Variants in SLC5A4 observed in about 807,000 individuals in gnomAD.
The protein encoded by SLC5A4 is probable glucose sensor protein SLC5A4.
Under a neutral mutation model 70.3 loss-of-function variants are expected in SLC5A4, and 55 were observed. The ratio of observed to expected loss-of-function variants is 0.78; its 90% confidence interval spans 0.63 to 0.98. The LOEUF (loss-of-function observed/expected upper bound fraction) is 0.98. Ranked by LOEUF, SLC5A4 falls within the 50% of genes least tolerant of loss-of-function variation. The pLI, the probability that SLC5A4 is intolerant of heterozygous loss-of-function variation, is 0.00. For missense variants in SLC5A4, 735 were observed against 839.2 expected, an observed-to-expected ratio of 0.88 and a Z score of 1.53; for synonymous variants, 268 against 305.7, an observed-to-expected ratio of 0.88 and a Z score of 1.29.
chr22:32,282,384 C>G, the SLC5A4 span, among the ~76,000 whole-genome samples: 5 of 152,052 alleles, frequency 3.3e-5, no homozygotes, highest in Admixed American at 3.3e-4. Flanking sequence ...GGCCTCTCCT[C>G]ACCTGGCTGC....
chr22:32,303,464 G>A, the SLC5A4 span, among the ~76,000 whole-genome samples: 1 of 152,200 alleles, frequency 6.6e-6, no homozygotes, highest in Non-Finnish European at 1.5e-5. Context: ...CAATAGGTCA[G>A]AGGAAGGAAA....
At chr22:32,319,779 G>A in the SLC5A4 span, among the ~76,000 whole-genome samples, 24 of 152,156 alleles carry the variant, frequency 1.6e-4, no homozygotes, top group African/African-American at 5.3e-4. Context: ...ATGCATTATC[G>A]CTGTCTAAAA....
chr22:32,305,234 A>G, the SLC5A4 span, among the ~76,000 whole-genome samples: 2 of 151,620 alleles, frequency 1.3e-5, no homozygotes, highest in Non-Finnish European at 2.9e-5. Context: ...TGGGTTTCAG[A>G]TGTGATTTTA....
At chr22:32,282,628 T>A in the SLC5A4 span, among the ~76,000 whole-genome samples, 2 of 152,286 alleles carry the variant, frequency 1.3e-5, no homozygotes, top group East Asian at 3.9e-4. Flanking sequence ...CCTGGACCTC[T>A]GTCCTGACTC....
chr22:32,239,539 T>TAC (rs1569374687), intron 5 of SLC5A4, among the ~76,000 whole-genome samples: 1 of 10,474 alleles, frequency 9.5e-5, no homozygotes, highest in Non-Finnish European at 1.5e-4. Context: ...TATATATATA[T>TAC]ATATATATAT....
At chr22:32,298,985 C>T in the SLC5A4 span, among the ~76,000 whole-genome samples, 18 of 123,196 alleles carry the variant, frequency 1.5e-4, no homozygotes, top group South Asian at 2.9e-4. Context: ...TATTGGCCCC[C>T]ACTCTCTTCT....
intron 3 of SLC5A4, among the ~76,000 whole-genome samples, chr22:32,251,555 C>T (rs78137709): frequency 0.022 from 3,418 of 151,924 alleles, 62 homozygotes; most frequent in African/African-American, 0.04. Context: ...TGCCCTTCCA[C>T]CTTCCACCTT....
chr22:32,306,292 T>C, the SLC5A4 span, among the ~76,000 whole-genome samples: 4 of 145,466 alleles, frequency 2.7e-5, no homozygotes, highest in African/African-American at 1.0e-4. Flanking sequence ...GGTGAAACCC[T>C]ATCTCTACTA....
intron 6 of SLC5A4, 96 bp downstream of exon 6, chr22:32,238,889 C>A: frequency 1.2e-6 from 1 of 829,388 alleles, no homozygotes; most frequent in Non-Finnish European, 2.1e-6. Flanking sequence ...GCCTTTACCT[C>A]GGCAGTGACA....
At position 32,224,526 on chromosome 22, in the gene SLC5A4, G is replaced by T; in HGVS notation, c.1450-44C>A. On this transcript the variant is annotated intron_variant, in intron 12 of 14. Coordinates refer to ENST00000266086, the MANE Select transcript of SLC5A4 (RefSeq NM_014227.3). ...GAAAATCAGAATGTTTAGAAAATAT[G>T]AGAAGCTTATTCAAGTAAGTCATCA... 3 of 1,463,184 alleles carry T rather than the reference G, an allele frequency of 2.1e-6. No homozygotes were observed. In the South Asian group the frequency reaches 3.4e-5, roughly 17 times the overall value. The allele number at this position is 1,463,184 out of a possible 1,614,324, so 90.6% of individuals were successfully genotyped here. A position where few individuals can be genotyped will look rare whatever the true frequency, so the allele number is the denominator to read the frequency against.
At chr22:32,342,245 A>G in the SLC5A4 span, among the ~76,000 whole-genome samples, 1 of 152,248 alleles carries the variant, frequency 6.6e-6, no homozygotes, top group East Asian at 1.9e-4. Flanking sequence ...TTTTGATTTC[A>G]AAGAACACAA....
intron 7 of SLC5A4, among the ~76,000 whole-genome samples, chr22:32,237,005 C>G (rs1481466393): frequency 6.6e-6 from 1 of 151,970 alleles, no homozygotes; most frequent in Non-Finnish European, 1.5e-5. Flanking sequence ...CGCCCGGCCT[C>G]TAAGCAGTAA....
At chr22:32,333,405 G>A in the SLC5A4 span, among the ~76,000 whole-genome samples, 4 of 152,192 alleles carry the variant, frequency 2.6e-5, no homozygotes, top group African/African-American at 9.7e-5. Flanking sequence ...AAACCTGTGA[G>A]GTGAATGGGT....
the SLC5A4 span, among the ~76,000 whole-genome samples, chr22:32,336,302 G>C: frequency 6.6e-6 from 1 of 152,204 alleles, no homozygotes; most frequent in Non-Finnish European, 1.5e-5. Flanking sequence ...CTCTGAGCTG[G>C]AGGCGTATTC....
At chr22:32,290,249 T>C in the SLC5A4 span, among the ~76,000 whole-genome samples, 2 of 152,114 alleles carry the variant, frequency 1.3e-5, no homozygotes, top group African/African-American at 4.8e-5. Flanking sequence ...TCCCTCCCCT[T>C]GCCCCCATCC....
the SLC5A4 span, among the ~76,000 whole-genome samples, chr22:32,297,703 A>C: frequency 2.6e-5 from 3 of 116,982 alleles, no homozygotes; most frequent in Non-Finnish European, 5.6e-5. Flanking sequence ...TAGCTTTTGA[A>C]TGTGTTTGCT....
chr22:32,335,363 C>G, the SLC5A4 span, among the ~76,000 whole-genome samples: 104,789 of 152,090 alleles, frequency 0.69, 37,648 homozygotes, highest in African/African-American at 0.92. Flanking sequence ...TCTGGCTAGA[C>G]AAGCTGTGAG....
the SLC5A4 span, among the ~76,000 whole-genome samples, chr22:32,264,126 G>A: frequency 5.4e-3 from 812 of 151,602 alleles, 9 homozygotes; most frequent in African/African-American, 0.019. Flanking sequence ...ACCATGGCAC[G>A]CGTATACGTA....
chr22:32,259,216 T>C (rs568919237), upstream of SLC5A4, among the ~76,000 whole-genome samples: 1 of 152,368 alleles, frequency 6.6e-6, no homozygotes, highest in South Asian at 2.1e-4. Context: ...GTAAAGTTCA[T>C]GTTAAGTGTT....
Sources: allele counts gnomAD v4.1 joint callset (sites outside exome capture counted in the v4.1 genomes callset), GRCh38; gene constraint gnomAD v4.1.1; transcripts MANE v1.5; gene names NCBI Gene and HGNC (gene_info 2026-07-23, HGNC 2026-07-21).